The following MTMR9 variants were observed in gnomAD, a reference collection of about 807,000 sequenced individuals.
MTMR9 encodes myotubularin related protein 9.
A neutral mutation model predicts 69.5 loss-of-function variants in MTMR9; 39 were observed. The observed-to-expected ratio is 0.56, with a 90% CI of 0.43 to 0.73. The LOEUF (loss-of-function observed/expected upper bound fraction) is 0.73. Among genes scored for constraint, MTMR9 ranks in the 30% least tolerant of loss-of-function variants. The pLI, the probability that MTMR9 is intolerant of heterozygous loss-of-function variation, is 0.00. For missense variants in MTMR9, 900 were observed against 671.2 expected (o/e 1.34, Z -3.77); for synonymous variants, 354 against 240.8 (o/e 1.47, Z -4.35).
downstream of MTMR9, chr8:11,331,371 C>G: frequency 1.2e-6 from 2 of 1,614,038 alleles, no homozygotes; most frequent in Non-Finnish European, 1.7e-6. Flanking sequence ...GCTACTTAAA[C>G]TGCGTGGCGA....
At chr8:11,318,791 A>G (rs765990991) in intron 8 of MTMR9, 1 of 152,164 alleles carries the variant, frequency 6.6e-6, no homozygotes, top group Non-Finnish European at 1.5e-5. Flanking sequence ...ATCTTTGACA[A>G]TCTGTATTTT....
intron 1 of MTMR9, among the ~76,000 whole-genome samples, chr8:11,288,350 A>G (rs143008704): frequency 0.083 from 11,635 of 140,134 alleles, 632 homozygotes; most frequent in Middle Eastern, 0.23. Flanking sequence ...ATATATTTAT[A>G]TATATATAAT....
Position 11,284,860 on chromosome 8 carries a change from C to A in MTMR9, c.-29C>A. The stretch of plus-strand genomic sequence containing the variant: ...GTAACCGCCTCGCACCTACCGGGCT[C>A]GGTTCCCTGGCTCCGGCCGCGGGGG... On this transcript the variant is annotated 5_prime_UTR_variant, in exon 1 of 10. Transcript: ENST00000221086. The A allele has an allele frequency of 6.4e-7, 1 of 1,552,938 alleles. No homozygotes were observed. Among genetic ancestry groups the A allele is most frequent in the East Asian group, 2.5e-5 (1 of 40,696 alleles).
the MTMR9 span, among the ~76,000 whole-genome samples, chr8:11,334,945 A>T: frequency 6.6e-6 from 1 of 152,248 alleles, no homozygotes; most frequent in Admixed American, 6.5e-5. Context: ...CCTCAATTTG[A>T]CAAAGAACAT....
chr8:11,328,270 A>G (rs1211537482), downstream of MTMR9: 1 of 152,104 alleles, frequency 6.6e-6, no homozygotes, highest in African/African-American at 2.4e-5. Flanking sequence ...AGGCTGCAAA[A>G]TAGTACACTG....
intron 3 of MTMR9, among the ~76,000 whole-genome samples, chr8:11,301,039 T>G (rs1799730955): frequency 6.6e-6 from 1 of 152,198 alleles, no homozygotes; most frequent in South Asian, 2.1e-4. Context: ...TATGTTCTAA[T>G]AAACTTTATT....
chr8:11,315,092 G>C, intron 7 of MTMR9, 28 bp downstream of exon 7: 3 of 1,604,270 alleles, frequency 1.9e-6, no homozygotes, highest in Non-Finnish European at 2.6e-6. Flanking sequence ...ATTCACAGAG[G>C]AACTGCTTAT....
chr8:11,292,919 A>G (rs949219305), intron 1 of MTMR9, among the ~76,000 whole-genome samples: 1 of 152,232 alleles, frequency 6.6e-6, no homozygotes, highest in African/African-American at 2.4e-5. Flanking sequence ...TTTATAAACG[A>G]TCATAAAACG....
intron 8 of MTMR9, 53 bp from the exon 9 acceptor site, chr8:11,319,634 A>C: frequency 6.3e-7 from 1 of 1,587,776 alleles, no homozygotes; most frequent in Admixed American, 1.7e-5. Flanking sequence ...GGAGCACTCA[A>C]TAATGGTTGT....
chr8:11,284,852 A>G lies in MTMR9; in HGVS notation c.-37A>G. 1.3e-6 allele frequency: 2 copies of G among 1,555,812 alleles called. No homozygotes were observed. The highest frequency in any genetic ancestry group is 1.7e-6 in the Non-Finnish European group (2 of 1,151,492). ...GCGGCGGGGTAACCGCCTCGCACCT[A>G]CCGGGCTCGGTTCCCTGGCTCCGGC... On this transcript the variant is annotated 5_prime_UTR_variant, in exon 1 of 10. Transcript: ENST00000221086.
downstream of MTMR9, chr8:11,331,670 C>T (rs1801236441): frequency 4.3e-6 from 7 of 1,612,162 alleles, no homozygotes; most frequent in Non-Finnish European, 5.9e-6. Context: ...CAGGTGTCTA[C>T]ACCACCCTGG....
At chr8:11,320,808 A>G (rs193267535) in intron 9 of MTMR9, 2 of 152,400 alleles carry the variant, frequency 1.3e-5, no homozygotes, top group East Asian at 1.9e-4. Flanking sequence ...AGCCTCTAAA[A>G]TACCATTTAA....
At chr8:11,288,216 AT>A (rs964103796) in intron 1 of MTMR9, among the ~76,000 whole-genome samples, 8 of 136,794 alleles carry the variant, frequency 5.8e-5, no homozygotes, top group African/African-American at 8.2e-5. Context: ...TATATAATAT[AT>A]TAATAATTAT....
downstream of MTMR9, among the ~76,000 whole-genome samples, chr8:11,329,320 G>C (rs1801094398): frequency 6.6e-6 from 1 of 152,212 alleles, no homozygotes; most frequent in Non-Finnish European, 1.5e-5. Flanking sequence ...TTGAGCCCAG[G>C]AGTTCCCTCT....
chr8:11,319,211 C>T (rs1401839074), intron 8 of MTMR9: 1 of 152,180 alleles, frequency 6.6e-6, no homozygotes, highest in East Asian at 1.9e-4. Flanking sequence ...TGTTTCTGCA[C>T]AACAAGCCCT....
At position 11,316,654 on chromosome 8, in the gene MTMR9, G is replaced by T. The variant is rs112805340; in HGVS notation, c.1114-19G>T. 1 of 1,548,154 alleles carries T rather than the reference G, an allele frequency of 6.5e-7. No homozygotes were observed. Among genetic ancestry groups the T allele is most frequent in the Non-Finnish European group, 8.7e-7 (1 of 1,143,896 alleles). ...GATCTCACCAGGATATGACTGTCAC[G>T]CCTCCATCTTCCCCCTAGGCTGGTC... On this transcript the variant is annotated intron_variant, in intron 7 of 9. Transcript: ENST00000221086.
chr8:11,299,780 T>G (rs1799686958), intron 2 of MTMR9, among the ~76,000 whole-genome samples: 1 of 152,050 alleles, frequency 6.6e-6, no homozygotes, highest in Admixed American at 6.6e-5. Context: ...TTTTGTTCTT[T>G]TTTTCATCCC....
chr8:11,291,674 T>C (rs188179619), intron 1 of MTMR9, among the ~76,000 whole-genome samples: 441 of 152,276 alleles, frequency 2.9e-3, no homozygotes, highest in African/African-American at 0.01. Flanking sequence ...AGTCATTCAT[T>C]ATACTTTATA....
At chr8:11,292,902 C>G (rs185597231) in intron 1 of MTMR9, among the ~76,000 whole-genome samples, 1 of 152,238 alleles carries the variant, frequency 6.6e-6, no homozygotes, top group Admixed American at 6.5e-5. Context: ...GCATACATCA[C>G]ATAATATTTA....
Sources: gnomAD v4.1 joint callset for allele counts (sites outside exome capture counted in the v4.1 genomes callset) on GRCh38, gnomAD v4.1.1 for gene constraint, MANE v1.5 for transcripts, NCBI Gene and HGNC (gene_info 2026-07-23, HGNC 2026-07-21) for gene names.